USP6: variants seen among roughly 807,000 people sequenced by gnomAD.
USP6 encodes the protein ubiquitin carboxyl-terminal hydrolase 6.
Under a neutral mutation model 175.7 loss-of-function variants are expected in USP6, and 128 were observed. That is an observed-to-expected ratio of 0.73 (90% CI 0.63 to 0.84). The LOEUF (loss-of-function observed/expected upper bound fraction) is 0.84. Among genes scored for constraint, USP6 ranks in the 40% least tolerant of loss-of-function variants. The pLI is 0.00. For missense variants in USP6, 1,498 were observed against 1,760.3 expected, an observed-to-expected ratio of 0.85 and a Z score of 2.67; for synonymous variants, 562 against 630.6, an observed-to-expected ratio of 0.89 and a Z score of 1.63.
chr17:5,128,700 G>A (rs1403999978), intron 7 of USP6: 2 of 152,636 alleles, frequency 1.3e-5, no homozygotes, highest in East Asian at 1.9e-4. Context: ...CTCAGGCAGC[G>A]GAGGACCCTG....
intron 37 of USP6, among the ~76,000 whole-genome samples, chr17:5,172,048 G>T (rs568636036): frequency 4.6e-5 from 7 of 152,106 alleles, no homozygotes; most frequent in African/African-American, 1.7e-4. Flanking sequence ...GTTGGCGCAT[G>T]CCTGTAATCC....
chr17:5,117,503 G>A (rs1480421149), intron 1 of USP6, among the ~76,000 whole-genome samples: 4 of 146,250 alleles, frequency 2.7e-5, no homozygotes, highest in Admixed American at 6.8e-5. Context: ...GCGACAGAGC[G>A]AGACTCCGTC....
chr17:5,152,612 A>T (rs2073798163), intron 30 of USP6, among the ~76,000 whole-genome samples: 1 of 152,226 alleles, frequency 6.6e-6, no homozygotes, highest in Admixed American at 6.5e-5. Flanking sequence ...AGATAAAAGA[A>T]CATTATACAG....
chr17:5,160,690 G>A (rs537495171), intron 31 of USP6, among the ~76,000 whole-genome samples: 24 of 152,304 alleles, frequency 1.6e-4, no homozygotes, highest in Non-Finnish European at 2.5e-4. Context: ...ATAAACACAC[G>A]TGTGCATGTG....
At chr17:5,126,305 A>T (rs1290915408) in intron 6 of USP6, among the ~76,000 whole-genome samples, 1 of 152,184 alleles carries the variant, frequency 6.6e-6, no homozygotes, top group African/African-American at 2.4e-5. Flanking sequence ...CCTCCCCAAA[A>T]GAGGCGTCGG....
chr17:5,120,344 G>A (rs1398352234), intron 2 of USP6, among the ~76,000 whole-genome samples: 2 of 152,122 alleles, frequency 1.3e-5, no homozygotes, highest in Non-Finnish European at 2.9e-5. Context: ...CCACTGTGCT[G>A]GGGGGTTGTT....
At chr17:5,156,252 T>G (rs1388643195) in intron 31 of USP6, among the ~76,000 whole-genome samples, 14 of 152,308 alleles carry the variant, frequency 9.2e-5, no homozygotes, top group Middle Eastern at 3.4e-3. Flanking sequence ...TTTTTGGGAT[T>G]GTGATGATGT....
chr17:5,132,052 T>A lies in USP6; in HGVS notation c.156-344T>A, dbSNP rs1381409162. On this transcript the variant is annotated intron_variant, in intron 11 of 37. Transcript: ENST00000574788. The surrounding 1 kb of genome is among the most constrained non-coding windows in gnomAD (Gnocchi z 4.7). ...CCTGTCAGGGCCCGGTCGCCCATGC[T>A]GGGTGGCCCCCATCCCATCTCAGGG... is the stretch of plus-strand genomic sequence containing the variant. 6.6e-6 allele frequency among the ~76,000 whole-genome samples: 1 copy of A among 152,086 alleles called. No individual in the cohort carries two copies. The highest frequency in any genetic ancestry group is 2.4e-5 in the African/African-American group (1 of 41,388).
chr17:5,159,955 C>T (rs1349918952), intron 31 of USP6, among the ~76,000 whole-genome samples: 2 of 130,908 alleles, frequency 1.5e-5, no homozygotes, highest in Admixed American at 7.6e-5. Flanking sequence ...CAGAGTGATA[C>T]CCCGTCTCAA....
chr17:5,164,598 A>G (rs920406279), intron 33 of USP6, among the ~76,000 whole-genome samples: 4 of 152,262 alleles, frequency 2.6e-5, no homozygotes, highest in Non-Finnish European at 5.9e-5. Flanking sequence ...TCCTGCTTAT[A>G]GGAAACGGCC....
Position 5,155,548 on chromosome 17 carries a change from G to A in USP6, c.2770G>A (p.Val924Ile), listed in dbSNP as rs1422317819. The change falls in exon 31 of 38, where the codon GTA (valine) becomes ATA (isoleucine). Residue 924 changes from valine to isoleucine, a missense_variant. Val to Ile is a conservative substitution (Grantham distance 29). Transcript: ENST00000574788. ...KDLYDAVWIQ[V>I]SWLARPLPPQ... is the part of the protein sequence containing the mutation. ...CCTATATGATGCGGTTTGGATTCAA[G>A]TATCCTGGTTAGCAAGACCACTCCC... is the stretch of plus-strand genomic sequence containing the variant. 6.2e-7 allele frequency: 1 copy of A among 1,614,068 alleles called. No homozygotes were observed.
intron 22 of USP6, among the ~76,000 whole-genome samples, 189 bp from the exon 23 acceptor site, chr17:5,141,236 A>G (rs2073436509): frequency 6.6e-6 from 1 of 152,214 alleles, no homozygotes; most frequent in African/African-American, 2.4e-5. Context: ...TCATACAAAG[A>G]CAAAATCACC....
Position 5,173,569 on chromosome 17 carries a change from G to T in USP6, c.*591G>T. The T allele has an allele frequency of 4.6e-6, 1 of 219,274 alleles. No individual in the cohort carries two copies. The highest frequency in any genetic ancestry group is 2.2e-5 in the African/African-American group (1 of 44,602). 13.6% of individuals were successfully genotyped at this position (219,274 alleles called of 1,614,324 possible). On this transcript the variant is annotated 3_prime_UTR_variant, in exon 38 of 38. Transcript: ENST00000574788. ...TTTTTGCCATTGTGTTTACGTTTGA[G>T]ACACAACCAGTCATTGGTGGCAGGG...
intron 15 of USP6, 40 bp downstream of exon 15, chr17:5,134,036 G>T: frequency 6.3e-7 from 1 of 1,590,546 alleles, no homozygotes; most frequent in South Asian, 1.1e-5. Flanking sequence ...CAGAGATGGG[G>T]TGAACGAGAG....
chr17:5,135,594 C>T (rs1023176056), intron 16 of USP6, among the ~76,000 whole-genome samples: 2 of 152,202 alleles, frequency 1.3e-5, no homozygotes, highest in African/African-American at 2.4e-5. Context: ...CAGTGTCACA[C>T]GCAGGACGGT....
At chr17:5,165,095 A>G (rs1299598604) in intron 33 of USP6, among the ~76,000 whole-genome samples, 2 of 151,964 alleles carry the variant, frequency 1.3e-5, no homozygotes, top group South Asian at 2.1e-4. Context: ...TGTTTTAAAA[A>G]CAAGACATAA....
chr17:5,128,570 C>G (rs144007743), intron 7 of USP6: 1 of 152,558 alleles, frequency 6.6e-6, no homozygotes, highest in African/African-American at 2.4e-5. Context: ...ACTGGGTGCA[C>G]ACATGAGTGG....
intron 25 of USP6, 105 bp from the exon 26 acceptor site, chr17:5,144,585 T>C: frequency 7.6e-7 from 1 of 1,317,368 alleles, no homozygotes; most frequent in Non-Finnish European, 1.1e-6. Flanking sequence ...GACTAAGTAC[T>C]ATACTATTTA....
chr17:5,138,888 C>G, intron 21 of USP6: 1 of 869,188 alleles, frequency 1.2e-6, no homozygotes, highest in Non-Finnish European at 1.7e-6. Flanking sequence ...ACTGCGGAGA[C>G]AGGTCCCCAT....
Sources: allele counts gnomAD v4.1 joint callset (sites outside exome capture counted in the v4.1 genomes callset), GRCh38; gene constraint gnomAD v4.1.1; non-coding constraint Gnocchi (gnomAD v3.1); transcripts MANE v1.5; gene names NCBI Gene and HGNC (gene_info 2026-07-23, HGNC 2026-07-21).